IVD: variants seen among roughly 807,000 people sequenced by gnomAD.
IVD encodes isovaleryl-CoA dehydrogenase.
Under a neutral mutation model 51.3 loss-of-function variants are expected in IVD, and 31 were observed. The ratio of observed to expected loss-of-function variants is 0.60; its 90% CI spans 0.45 to 0.81. The LOEUF is 0.81. IVD is among the 40% of genes least tolerant of loss of function. IVD has a pLI of 0.00. For missense variants in IVD, 475 were observed against 552.0 expected (o/e 0.86, Z 1.40); for synonymous variants, 205 against 219.4 (o/e 0.93, Z 0.58).
At chr15:40,431,389 T>C (rs1413298019) in intron 7 of IVD, among the ~76,000 whole-genome samples, 3 of 151,910 alleles carry the variant, frequency 2.0e-5, no homozygotes, top group Non-Finnish European at 4.4e-5. Context: ...TTCATAAGAC[T>C]GGCTGGGGAT....
In IVD at chr15:40,415,046, G is replaced by A. The variant is rs11638426; in HGVS notation, c.878+64G>A. 13,500 of 1,586,008 alleles carry A rather than the reference G, an allele frequency of 8.5e-3. 90 individuals are homozygous for A. Among genetic ancestry groups the A allele is most frequent in the Non-Finnish European group, 0.011 (12,503 of 1,165,476 alleles). On this transcript the variant is annotated intron_variant, in intron 8 of 11. Coordinates refer to ENST00000487418, the MANE Select transcript of IVD (RefSeq NM_002225.5). ...GCCTCCTCGGCAGGTGACCCACCAT[G>A]AGCAGCAGCAGCCTTCCCCTTGCGG...
intron 7 of IVD, among the ~76,000 whole-genome samples, chr15:40,432,315 C>G (rs1408478864): frequency 1.3e-5 from 2 of 152,230 alleles, no homozygotes; most frequent in African/African-American, 4.8e-5. Flanking sequence ...AGGTCATACA[C>G]TCTTTGATGT....
In IVD at chr15:40,420,924, T is replaced by C. The variant is rs1329070059; in HGVS notation, c.*2661T>C. On this transcript the variant is annotated 3_prime_UTR_variant, in exon 12 of 12. Coordinates refer to ENST00000487418, the MANE Select transcript of IVD (RefSeq NM_002225.5). ...AAAAGAGGGAACTGGTTTTCTTGGT[T>C]CTCAGCCCAGCAGCACCTATCCTGG... 1.0e-6 allele frequency: 1 copy of C among 985,480 alleles called. No homozygotes were observed. Among genetic ancestry groups the C allele is most frequent in the Admixed American group, 6.1e-5 (1 of 16,270 alleles). The allele number at this position is 985,480 out of a possible 1,614,324, so 61.0% of individuals were successfully genotyped here.
chr15:40,411,176 T>C (rs1891035217), intron 4 of IVD, 84 bp from the exon 5 acceptor site: 9 of 1,317,186 alleles, frequency 6.8e-6, no homozygotes, highest in Non-Finnish European at 8.8e-6. Context: ...AGGGGTTTAA[T>C]GTGGACAGGA....
Position 40,411,657 on chromosome 15 carries a change from C to T in IVD, c.653C>T (p.Ala218Val). 1.2e-6 allele frequency: 2 copies of T among 1,614,240 alleles called. No individual in the cohort carries two copies. Among genetic ancestry groups the T allele is most frequent in the South Asian group, 1.1e-5 (1 of 91,084 alleles). Residue 218 changes from alanine to valine, a missense_variant, in exon 6 of 12, where the codon GCT (alanine) becomes GTT (valine). Physicochemically the swap from Ala to Val is moderately conservative, Grantham distance 64. Coordinates refer to ENST00000487418, the MANE Select transcript of IVD (RefSeq NM_002225.5). ...YAKTDLAAVP[A>V]SRGITAFIVE... ...AAGACAGATCTGGCTGCTGTGCCAG[C>T]TTCTCGGGGCATCACAGCCTTCATT...
At position 40,420,460 on chromosome 15, in the gene IVD, G is replaced by A. The variant is rs940268146; in HGVS notation, c.*2197G>A. On this transcript the variant is annotated 3_prime_UTR_variant, in exon 12 of 12. Coordinates refer to ENST00000487418, the MANE Select transcript of IVD (RefSeq NM_002225.5). Reference sequence around the variant, plus strand: ...ATTGTGAAACAAACCTATCTGGGGAGAAGCAATCTACTTGCCGCTGCTTCC... The same window carrying A: ...ATTGTGAAACAAACCTATCTGGGGAAAAGCAATCTACTTGCCGCTGCTTCC... The A allele has an allele frequency of 2.0e-6, 2 of 987,708 alleles. No homozygotes were observed. The highest frequency in any genetic ancestry group is 1.2e-6 in the Non-Finnish European group (1 of 830,140). The allele number at this position is 987,708 out of a possible 1,614,324, so 61.2% of individuals were successfully genotyped here.
rs1430982370 is a variant in IVD, at chr15:40,412,249, G to C, written c.687+558G>C. Among the ~76,000 whole-genome samples, 3 of 152,206 alleles carry C rather than the reference G, an allele frequency of 2.0e-5. No homozygotes were observed. The East Asian group carries it at 5.8e-4, about 29-fold the overall frequency. Reference sequence around the variant, plus strand: ...GTGGGCAGAACACAATGGTGAGCTGGGGCAGAAGAGAGAAGGATGGGTTAC... The same window carrying C: ...GTGGGCAGAACACAATGGTGAGCTGCGGCAGAAGAGAGAAGGATGGGTTAC... On this transcript the variant is annotated intron_variant, in intron 6 of 11. Coordinates refer to ENST00000487418, the MANE Select transcript of IVD (RefSeq NM_002225.5).
At chr15:40,410,897 G>T (rs1216703918) in intron 4 of IVD, 100 bp downstream of exon 4, 2 of 1,419,864 alleles carry the variant, frequency 1.4e-6, no homozygotes, top group Admixed American at 1.9e-5. Context: ...GCTTTCTGTA[G>T]CATGCTGCCA....
intron 11 of IVD, among the ~76,000 whole-genome samples, chr15:40,416,818 G>C (rs2141365127): frequency 6.6e-6 from 1 of 152,320 alleles, no homozygotes; most frequent in South Asian, 2.1e-4. Context: ...GAAAGCAAAT[G>C]AGAAAACTGC....
Position 40,420,054 on chromosome 15 carries a change from G to A in IVD, c.*1791G>A, listed in dbSNP as rs910132295. The stretch of plus-strand genomic sequence containing the variant: ...AGGAGGCAGAGGTTGCAGGAGCTGA[G>A]ATCGCGCCATTGCACTCCAGCCTGG... On this transcript the variant is annotated 3_prime_UTR_variant, in exon 12 of 12. Coordinates refer to ENST00000487418, the MANE Select transcript of IVD (RefSeq NM_002225.5). 14 of 815,490 alleles carry A rather than the reference G, an allele frequency of 1.7e-5. No homozygotes were observed. The highest frequency in any genetic ancestry group is 2.1e-5 in the Non-Finnish European group (14 of 674,888). The allele number at this position is 815,490 out of a possible 1,614,324, so 50.5% of individuals were successfully genotyped here. A position where few individuals can be genotyped will look rare whatever the true frequency, so the allele number is the denominator to read the frequency against.
At chr15:40,411,961 G>A (rs1437665534) in intron 6 of IVD, among the ~76,000 whole-genome samples, 2 of 152,214 alleles carry the variant, frequency 1.3e-5, no homozygotes, top group Non-Finnish European at 2.9e-5. Flanking sequence ...AGGAGGTCAG[G>A]ACATGACGGT....
chr15:40,411,094 G>T (rs879433704), intron 4 of IVD, among the ~76,000 whole-genome samples, 166 bp from the exon 5 acceptor site: 3 of 152,232 alleles, frequency 2.0e-5, no homozygotes, highest in Non-Finnish European at 4.4e-5. Flanking sequence ...GGCATTTTCA[G>T]CCTTGTAGCC....
chr15:40,412,461 A>G (rs182263988), intron 6 of IVD, among the ~76,000 whole-genome samples: 1 of 152,308 alleles, frequency 6.6e-6, no homozygotes, highest in African/African-American at 2.4e-5. Flanking sequence ...GACCTGGCTG[A>G]GATTGGAAAT....
chr15:40,418,269 A>C lies in IVD; in HGVS notation c.*6A>C. On this transcript the variant is annotated 3_prime_UTR_variant, in exon 12 of 12. Coordinates refer to ENST00000487418, the MANE Select transcript of IVD (RefSeq NM_002225.5). Reference sequence around the variant, plus strand: ...TCAATGCAGACTTTCACTAGTCCTGAGACCCTTCGCCCCCTTTTCCTGCAC... The same window carrying C: ...TCAATGCAGACTTTCACTAGTCCTGCGACCCTTCGCCCCCTTTTCCTGCAC... 6.2e-7 allele frequency: 1 copy of C among 1,613,940 alleles called. No individual in the cohort carries two copies. The highest frequency in any genetic ancestry group is 8.5e-7 in the Non-Finnish European group (1 of 1,179,920).
chr15:40,434,001 T>C (rs1038736686), intron 8 of IVD: 1 of 444,978 alleles, frequency 2.2e-6, no homozygotes, highest in African/African-American at 2.0e-5. Flanking sequence ...TGCACCACGA[T>C]ACCCATCCAT....
intron 7 of IVD, among the ~76,000 whole-genome samples, chr15:40,430,388 A>G (rs1312442587): frequency 6.6e-6 from 1 of 152,196 alleles, no homozygotes; most frequent in African/African-American, 2.4e-5. Context: ...GCGGAGTGTG[A>G]CTGAGCCCGA....
rs71472439 is a variant in IVD at position 40,432,740 on chromosome 15, G to C, written c.720-1114G>C. ...GAAATGGCTAGGGCCCTGGCCTTGGGAGGATGGAATGGAGAAGCCATGGGA... is the reference window on the plus strand; with the variant it reads ...GAAATGGCTAGGGCCCTGGCCTTGGCAGGATGGAATGGAGAAGCCATGGGA... On this transcript the variant is annotated intron_variant, in intron 7 of 8. Coordinates refer to the IVD transcript ENST00000473112. Among the ~76,000 whole-genome samples, 1,017 of 152,376 alleles carry C rather than the reference G, an allele frequency of 6.7e-3. 3 individuals carry two copies. Among genetic ancestry groups the C allele is most frequent in the Non-Finnish European group, 0.012 (790 of 68,042 alleles).
downstream of IVD, among the ~76,000 whole-genome samples, chr15:40,428,868 G>C (rs600791): frequency 0.63 from 95,833 of 152,032 alleles, 31,018 homozygotes; most frequent in East Asian, 0.81. Context: ...GAAATGCAGG[G>C]TCCTCAGCCC....
At chr15:40,425,344 C>T (rs1892607186), downstream of IVD, among the ~76,000 whole-genome samples, 1 of 151,792 alleles carries the variant, frequency 6.6e-6, no homozygotes, top group African/African-American at 2.4e-5. Flanking sequence ...GATAATCCTC[C>T]CCTTACCTTT....
Sources: allele counts gnomAD v4.1 joint callset (sites outside exome capture counted in the v4.1 genomes callset), GRCh38; gene constraint gnomAD v4.1.1; transcripts MANE v1.5; gene names NCBI Gene and HGNC (gene_info 2026-07-23, HGNC 2026-07-21).